The following LARGE1 variants were observed in gnomAD, a reference collection of about 807,000 sequenced individuals.
LARGE1 encodes LARGE xylosyl- and glucuronyltransferase 1.
In LARGE1, 43 loss-of-function variants were observed where a neutral mutation model predicts 87.6. That is an observed-to-expected ratio of 0.49 (90% confidence interval 0.38 to 0.63). The LOEUF (loss-of-function observed/expected upper bound fraction) is 0.63, where lower values mean the gene tolerates loss of function less well. LARGE1 is among the 30% of genes least tolerant of loss of function. The pLI is 0.00. For synonymous variants in LARGE1, 434 were observed against 394.6 expected (o/e 1.10, Z -1.18); for missense variants, 802 against 1,000.2 (o/e 0.80, Z 2.67).
At chr22:33,340,553 G>C (rs573129776) in intron 9 of LARGE1, among the ~76,000 whole-genome samples, 3 of 151,962 alleles carry the variant, frequency 2.0e-5, no homozygotes, top group South Asian at 2.1e-4. Context: ...CCAAGGCAAG[G>C]CTCAGCCCAG....
At chr22:33,575,412 T>C (rs2078325430) in intron 5 of LARGE1, among the ~76,000 whole-genome samples, 1 of 152,196 alleles carries the variant, frequency 6.6e-6, no homozygotes, top group Non-Finnish European at 1.5e-5. Context: ...TTTATGACAG[T>C]GAGGCCAGGA....
chr22:33,784,670 G>A (rs1230405460), intron 1 of LARGE1, among the ~76,000 whole-genome samples: 1 of 152,040 alleles, frequency 6.6e-6, no homozygotes, highest in Non-Finnish European at 1.5e-5. Context: ...TCAGGAGACA[G>A]TCACAGGTAC....
At chr22:33,679,789 C>A (rs2081696327) in intron 2 of LARGE1, among the ~76,000 whole-genome samples, 1 of 152,112 alleles carries the variant, frequency 6.6e-6, no homozygotes, top group South Asian at 2.1e-4. Flanking sequence ...TTGCAGTGAG[C>A]CGAGATCGTG....
chr22:33,384,363 G>T (rs866497586), intron 7 of LARGE1, 59 bp from the exon 8 acceptor site: 30 of 961,938 alleles, frequency 3.1e-5, no homozygotes, highest in South Asian at 8.6e-5. Context: ...GGAGAGCTAG[G>T]CACACCTACT....
chr22:33,487,561 C>T (rs185200794), intron 6 of LARGE1, among the ~76,000 whole-genome samples: 3 of 152,110 alleles, frequency 2.0e-5, no homozygotes, highest in Admixed American at 1.3e-4. Flanking sequence ...GCTGGGTAAT[C>T]AGAGAAAGTG....
chr22:33,828,274 G>C (rs1471165582), intron 1 of LARGE1, among the ~76,000 whole-genome samples: 1 of 152,252 alleles, frequency 6.6e-6, no homozygotes, highest in Non-Finnish European at 1.5e-5. Context: ...GGCAGGAAGA[G>C]AGACGCTGAC....
the LARGE1 span, among the ~76,000 whole-genome samples, chr22:33,085,553 C>A: frequency 6.6e-6 from 1 of 152,178 alleles, no homozygotes; most frequent in East Asian, 1.9e-4. Flanking sequence ...AAGGGTATTG[C>A]AAAAATTGGA....
At chr22:33,209,194 G>C (rs368237154) in intron 11 of LARGE1, among the ~76,000 whole-genome samples, 2 of 152,304 alleles carry the variant, frequency 1.3e-5, no homozygotes, top group Admixed American at 1.3e-4. Context: ...TGCTGTGAAC[G>C]AAACAAGTCA....
chr22:33,194,241 T>C (rs1923949097), intron 11 of LARGE1, among the ~76,000 whole-genome samples: 1 of 152,180 alleles, frequency 6.6e-6, no homozygotes, highest in Non-Finnish European at 1.5e-5. Context: ...CCTGGGGTTG[T>C]TATGGGCATA....
intron 6 of LARGE1, among the ~76,000 whole-genome samples, chr22:33,523,105 A>G (rs1477043444): frequency 2.0e-5 from 3 of 151,942 alleles, no homozygotes; most frequent in Non-Finnish European, 2.9e-5. Context: ...CCTGGGTTCA[A>G]GCAATTCTCC....
At chr22:33,439,459 T>C (rs1321006161) in intron 6 of LARGE1, among the ~76,000 whole-genome samples, 1 of 152,140 alleles carries the variant, frequency 6.6e-6, no homozygotes, top group Non-Finnish European at 1.5e-5. Flanking sequence ...CGGCGACATC[T>C]GTCCCTTCGC....
intron 9 of LARGE1, among the ~76,000 whole-genome samples, chr22:33,342,534 T>C (rs767782356): frequency 6.6e-6 from 1 of 152,200 alleles, no homozygotes; most frequent in Non-Finnish European, 1.5e-5. Context: ...CCTGAGGTTC[T>C]TAACTACTAT....
chr22:33,694,747 G>T (rs920147207), intron 2 of LARGE1, among the ~76,000 whole-genome samples: 6 of 151,816 alleles, frequency 4.0e-5, no homozygotes, highest in African/African-American at 1.5e-4. Flanking sequence ...TAGGGAGAAT[G>T]AAAAAAATAG....
intron 11 of LARGE1, among the ~76,000 whole-genome samples, chr22:33,259,003 G>T (rs1256642292): frequency 1.3e-5 from 2 of 151,746 alleles, no homozygotes; most frequent in Middle Eastern, 3.4e-3. Flanking sequence ...TCAGCCTCCT[G>T]AGTAGCTGGG....
At chr22:33,635,461 G>C (rs2080242579) in intron 3 of LARGE1, among the ~76,000 whole-genome samples, 1 of 152,020 alleles carries the variant, frequency 6.6e-6, no homozygotes, top group South Asian at 2.1e-4. Context: ...AGTCAAAAGG[G>C]GTCCAGTATG....
chr22:33,347,504 A>G (rs893079725), intron 9 of LARGE1, among the ~76,000 whole-genome samples: 22 of 152,238 alleles, frequency 1.4e-4, no homozygotes, highest in Admixed American at 4.6e-4. Context: ...GGAGAAACAT[A>G]TTCCCCTTTT....
At chr22:33,619,073 G>T (rs2079663464) in intron 4 of LARGE1, among the ~76,000 whole-genome samples, 1 of 152,116 alleles carries the variant, frequency 6.6e-6, no homozygotes, top group Non-Finnish European at 1.5e-5. Context: ...CCCACTAAAA[G>T]CTGTTTCATC....
At chr22:33,643,445 G>A (rs905431804) in intron 3 of LARGE1, among the ~76,000 whole-genome samples, 1 of 152,150 alleles carries the variant, frequency 6.6e-6, no homozygotes, top group Non-Finnish European at 1.5e-5. Flanking sequence ...CAGAAAGCAG[G>A]AAAGATCTAA....
chr22:33,116,512 G>A, the LARGE1 span, among the ~76,000 whole-genome samples: 3 of 151,286 alleles, frequency 2.0e-5, no homozygotes, highest in African/African-American at 4.9e-5. Flanking sequence ...CCGCCACCAC[G>A]CCCAGCTAAT....
Sources: gnomAD v4.1 joint callset for allele counts (sites outside exome capture counted in the v4.1 genomes callset) on GRCh38, gnomAD v4.1.1 for gene constraint, MANE v1.5 for transcripts, NCBI Gene and HGNC (gene_info 2026-07-23, HGNC 2026-07-21) for gene names.